Variants in PDE3A observed in about 807,000 individuals in gnomAD.
The protein encoded by PDE3A is phosphodiesterase 3A.
A neutral mutation model predicts 98.3 loss-of-function variants in PDE3A; 43 were observed. The ratio of observed to expected loss-of-function variants is 0.44; its 90% confidence interval spans 0.34 to 0.56. The LOEUF (loss-of-function observed/expected upper bound fraction) is 0.56, where lower values mean the gene tolerates loss of function less well. PDE3A is among the 20% of genes least tolerant of loss of function. The pLI is 0.01. For synonymous variants in PDE3A, 663 were observed against 567.9 expected, an observed-to-expected ratio of 1.17 and a Z score of -2.38; for missense variants, 1,427 against 1,440.7, an observed-to-expected ratio of 0.99 and a Z score of 0.15.
intron 1 of PDE3A, among the ~76,000 whole-genome samples, chr12:20,454,540 T>C (rs1945121349): frequency 6.6e-6 from 1 of 152,152 alleles, no homozygotes; most frequent in Non-Finnish European, 1.5e-5. Context: ...ACTCAGGTCA[T>C]GGAGGTTTGT....
intron 1 of PDE3A, among the ~76,000 whole-genome samples, chr12:20,534,156 T>G (rs528402260): frequency 6.6e-6 from 1 of 152,298 alleles, no homozygotes; most frequent in Non-Finnish European, 1.5e-5. Flanking sequence ...AGGGTTATGA[T>G]ATTTATTATA....
intron 2 of PDE3A, among the ~76,000 whole-genome samples, chr12:20,604,480 C>A (rs1943666775): frequency 6.6e-6 from 1 of 152,104 alleles, no homozygotes; most frequent in African/African-American, 2.4e-5. Flanking sequence ...ATATGTTTTT[C>A]TACCTTTTTG....
intron 1 of PDE3A, among the ~76,000 whole-genome samples, chr12:20,400,378 GGTTTTTTTTTTTTTT>G (rs771103285): frequency 0.01 from 1,078 of 106,132 alleles, 30 homozygotes; most frequent in East Asian, 0.038. Flanking sequence ...CGTTAACATT[GGTTTTTTTTTTTTTT>G]TTTTTTTTTT....
chr12:20,500,525 A>C (rs549610425), intron 1 of PDE3A, among the ~76,000 whole-genome samples: 2 of 152,100 alleles, frequency 1.3e-5, no homozygotes, highest in Non-Finnish European at 2.9e-5. Context: ...TTAGACTTCA[A>C]ATATTTTCTT....
intron 1 of PDE3A, among the ~76,000 whole-genome samples, chr12:20,421,935 C>T (rs932144318): frequency 6.6e-6 from 1 of 152,150 alleles, no homozygotes; most frequent in Admixed American, 6.5e-5. Context: ...TTTTCTTTCC[C>T]AGGTAAATTG....
intron 15 of PDE3A, among the ~76,000 whole-genome samples, chr12:20,658,448 CAA>C (rs551317895): frequency 8.7e-4 from 133 of 152,248 alleles, no homozygotes; most frequent in African/African-American, 3.1e-3. Context: ...TTTGATGTAT[CAA>C]AGAGAAATTG....
At chr12:20,540,722 C>G (rs1162023973) in intron 1 of PDE3A, among the ~76,000 whole-genome samples, 1 of 151,830 alleles carries the variant, frequency 6.6e-6, no homozygotes, top group Non-Finnish European at 1.5e-5. Flanking sequence ...TTAAATTTCT[C>G]CACAAGTAAT....
At chr12:20,503,029 T>C (rs533354915) in intron 1 of PDE3A, among the ~76,000 whole-genome samples, 4 of 152,144 alleles carry the variant, frequency 2.6e-5, no homozygotes, top group Admixed American at 6.6e-5. Context: ...AATGAGATCA[T>C]GTATCACAGA....
At chr12:20,404,826 G>GTTTTTTTTT (rs60736941) in intron 1 of PDE3A, among the ~76,000 whole-genome samples, 13 of 95,078 alleles carry the variant, frequency 1.4e-4, no homozygotes, top group East Asian at 3.7e-4. Context: ...AGGTTACAGA[G>GTTTTTTTTT]TTTTTTTTTT....
At chr12:20,582,030 G>A (rs1943080627) in intron 2 of PDE3A, among the ~76,000 whole-genome samples, 1 of 151,586 alleles carries the variant, frequency 6.6e-6, no homozygotes, top group African/African-American at 2.4e-5. Flanking sequence ...GTGTTATTTA[G>A]GTTGGGATTT....
chr12:20,558,138 T>C (rs1222985888), intron 2 of PDE3A, among the ~76,000 whole-genome samples: 1 of 151,992 alleles, frequency 6.6e-6, no homozygotes, highest in Admixed American at 6.6e-5. Flanking sequence ...ATTTACTCTC[T>C]ATTTTGCTTA....
chr12:20,575,171 T>A (rs1488238664), intron 2 of PDE3A, among the ~76,000 whole-genome samples: 3 of 152,170 alleles, frequency 2.0e-5, no homozygotes, highest in Non-Finnish European at 2.9e-5. Flanking sequence ...GTAATTTTGA[T>A]GTCCTGTATC....
At chr12:20,613,758 A>G (rs1004246607) in intron 3 of PDE3A, 58 bp downstream of exon 3, 23 of 1,349,228 alleles carry the variant, frequency 1.7e-5, no homozygotes, top group Non-Finnish European at 2.2e-5. Flanking sequence ...ATTGTCTTCT[A>G]GGTCTCCTTC....
At chr12:20,488,048 C>T (rs1410775442) in intron 1 of PDE3A, among the ~76,000 whole-genome samples, 4 of 152,072 alleles carry the variant, frequency 2.6e-5, no homozygotes, top group South Asian at 2.1e-4. Context: ...CTATCTATAG[C>T]GTTACCCAGG....
intron 1 of PDE3A, among the ~76,000 whole-genome samples, chr12:20,407,373 T>TA: frequency 6.6e-6 from 1 of 152,344 alleles, no homozygotes; most frequent in South Asian, 2.1e-4. Context: ...AAACTTTTTT[T>TA]AAAAAATTGA....
intron 14 of PDE3A, among the ~76,000 whole-genome samples, chr12:20,650,944 A>G (rs1319698318): frequency 1.3e-5 from 2 of 152,164 alleles, no homozygotes; most frequent in Non-Finnish European, 2.9e-5. Flanking sequence ...AGTAGCTTGT[A>G]TGTATATGGT....
Position 20,687,084 on chromosome 12 carries a change from G to T in PDE3A, c.*6813G>T, listed in dbSNP as rs917843449. Among the ~76,000 whole-genome samples, 3 of 152,050 alleles carry T rather than the reference G, an allele frequency of 2.0e-5. No individual in the cohort carries two copies. Among genetic ancestry groups the T allele is most frequent in the Non-Finnish European group, 4.4e-5 (3 of 67,958 alleles). On this transcript the variant is annotated 3_prime_UTR_variant, in exon 16 of 16. Coordinates refer to ENST00000359062, the MANE Select transcript of PDE3A (RefSeq NM_000921.5). ...TACTTGAATAACTTTTGAAGAGAAA[G>T]ATTTTCTTTCCGGTAATTTTACTCC...
chr12:20,475,044 A>C (rs1428433591), intron 1 of PDE3A, among the ~76,000 whole-genome samples: 1 of 152,012 alleles, frequency 6.6e-6, no homozygotes, highest in Non-Finnish European at 1.5e-5. Context: ...CCAATTTTGT[A>C]AGTAGTCTCT....
intron 1 of PDE3A, among the ~76,000 whole-genome samples, chr12:20,445,040 C>T (rs1245859129): frequency 6.6e-6 from 1 of 152,156 alleles, no homozygotes; most frequent in Non-Finnish European, 1.5e-5. Context: ...TCATCAAATC[C>T]ATCGCCACTG....
Sources: allele counts gnomAD v4.1 joint callset (sites outside exome capture counted in the v4.1 genomes callset), GRCh38; gene constraint gnomAD v4.1.1; transcripts MANE v1.5; gene names NCBI Gene and HGNC (gene_info 2026-07-23, HGNC 2026-07-21).